The following CMIP variants were observed in gnomAD, a reference collection of about 807,000 sequenced individuals.
CMIP encodes C-Maf-inducing protein.
A neutral mutation model predicts 97.3 loss-of-function variants in CMIP; 13 were observed. That is an observed-to-expected ratio of 0.13 (90% confidence interval 0.09 to 0.21). The LOEUF (loss-of-function observed/expected upper bound fraction) is 0.21, where lower values mean the gene tolerates loss of function less well. Among genes scored for constraint, CMIP ranks in the 10% least tolerant of loss-of-function variants. CMIP has a pLI of 1.00. For synonymous variants in CMIP, 538 were observed against 436.3 expected, an observed-to-expected ratio of 1.23 and a Z score of -2.91; for missense variants, 847 against 1,024.9, an observed-to-expected ratio of 0.83 and a Z score of 2.37.
chr16:81,571,217 T>C (rs1043764775), intron 1 of CMIP, among the ~76,000 whole-genome samples: 5 of 151,900 alleles, frequency 3.3e-5, no homozygotes, highest in African/African-American at 1.2e-4. Flanking sequence ...ATGCCTACAA[T>C]CCCAGCATTT....
intron 1 of CMIP, among the ~76,000 whole-genome samples, chr16:81,538,018 G>T (rs906087960): frequency 6.6e-6 from 1 of 152,272 alleles, no homozygotes; most frequent in African/African-American, 2.4e-5. Context: ...CCACTCACCA[G>T]GGGCTTGCCC....
intron 1 of CMIP, among the ~76,000 whole-genome samples, chr16:81,573,201 G>A (rs561964918): frequency 4.3e-4 from 66 of 152,112 alleles, no homozygotes; most frequent in Non-Finnish European, 7.6e-4. Context: ...AACGTTAGCC[G>A]GGCGTGGTGG....
At position 81,611,055 on chromosome 16, in the gene CMIP, G is replaced by A. The variant is rs187349188; in HGVS notation, c.426+3363G>A. Among the ~76,000 whole-genome samples the A allele has an allele frequency of 3.7e-3, 560 of 152,212 alleles. 5 individuals carry two copies. The highest frequency in any genetic ancestry group is 3.7e-3 in the Non-Finnish European group (250 of 68,014). On this transcript the variant is annotated intron_variant, in intron 2 of 20. Coordinates refer to ENST00000537098, the MANE Select transcript of CMIP (RefSeq NM_198390.3). ...GAGTGAAAGTGCCTTAAATGGTGCC[G>A]CCCGGCACAGCCACCAGCAGCCACG... is the stretch of plus-strand genomic sequence containing the variant.
At chr16:81,551,292 T>C (rs888254837) in intron 1 of CMIP, among the ~76,000 whole-genome samples, 3 of 152,184 alleles carry the variant, frequency 2.0e-5, no homozygotes, top group African/African-American at 7.2e-5. Flanking sequence ...TGAGTAACCA[T>C]GGGCAACCAA....
At chr16:81,513,890 T>C (rs576492477) in intron 1 of CMIP, among the ~76,000 whole-genome samples, 112 of 152,238 alleles carry the variant, frequency 7.4e-4, no homozygotes, top group Admixed American at 3.3e-4. Context: ...CCATATTTGC[T>C]GCGCTTCCCT....
intron 1 of CMIP, among the ~76,000 whole-genome samples, chr16:81,546,425 C>T (rs1302607136): frequency 2.6e-5 from 4 of 152,180 alleles, no homozygotes; most frequent in African/African-American, 9.7e-5. Flanking sequence ...GAAATCCACC[C>T]AGAGGGAGTT....
intron 1 of CMIP, among the ~76,000 whole-genome samples, chr16:81,512,446 G>A (rs2089832502): frequency 6.6e-6 from 1 of 152,170 alleles, no homozygotes; most frequent in African/African-American, 2.4e-5. Flanking sequence ...AGATTGCAAA[G>A]GGCAGGTGTT....
intron 18 of CMIP, 24 bp from the exon 19 acceptor site, chr16:81,705,475 G>A (rs1434020549): frequency 1.2e-5 from 18 of 1,536,342 alleles, no homozygotes; most frequent in Non-Finnish European, 1.5e-5. Flanking sequence ...CCGGGAGAGG[G>A]CTGAGAGTTT....
At chr16:81,448,412 C>T (rs1046754607) in intron 1 of CMIP, among the ~76,000 whole-genome samples, 2 of 152,256 alleles carry the variant, frequency 1.3e-5, no homozygotes, top group African/African-American at 4.8e-5. Flanking sequence ...ACATCTGCAT[C>T]AGGCTGGGAT....
chr16:81,571,402 A>G (rs1228404342), intron 1 of CMIP, among the ~76,000 whole-genome samples: 1 of 152,002 alleles, frequency 6.6e-6, no homozygotes, highest in Admixed American at 6.6e-5. Flanking sequence ...CAGGAATTTG[A>G]GGCTGCAGCG....
chr16:81,615,737 A>G (rs1412881104), intron 2 of CMIP, among the ~76,000 whole-genome samples: 2 of 147,028 alleles, frequency 1.4e-5, no homozygotes, highest in Non-Finnish European at 3.0e-5. Context: ...GTGTGTGTGT[A>G]TGGTGTGTGT....
At chr16:81,473,636 G>A (rs919844292) in intron 1 of CMIP, among the ~76,000 whole-genome samples, 1 of 126,264 alleles carries the variant, frequency 7.9e-6, no homozygotes, top group African/African-American at 3.4e-5. Context: ...GGGCTTGGAC[G>A]CTTGTGTTGG....
intron 2 of CMIP, among the ~76,000 whole-genome samples, chr16:81,609,311 C>T (rs1343902469): frequency 2.6e-5 from 4 of 152,194 alleles, no homozygotes; most frequent in Non-Finnish European, 5.9e-5. Context: ...TCACTCGCTC[C>T]TTCTTGCCCA....
At chr16:81,667,799 A>AGAGAGAGAGTGTGT in intron 7 of CMIP, among the ~76,000 whole-genome samples, 157 of 58,120 alleles carry the variant, frequency 2.7e-3, no homozygotes, top group Non-Finnish European at 3.9e-3. Context: ...AGAGAGAGAG[A>AGAGAGAGAGTGTGT]GTGTGTGTGT....
At chr16:81,584,489 G>T (rs1354408183) in intron 1 of CMIP, among the ~76,000 whole-genome samples, 1 of 152,198 alleles carries the variant, frequency 6.6e-6, no homozygotes, top group African/African-American at 2.4e-5. Context: ...GTATGTAAGT[G>T]TAAAATCATC....
chr16:81,482,542 A>G (rs923736865), intron 1 of CMIP, among the ~76,000 whole-genome samples: 2 of 152,088 alleles, frequency 1.3e-5, no homozygotes, highest in African/African-American at 4.8e-5. Context: ...TAGCTTCTGG[A>G]GAGAGGACCT....
intron 4 of CMIP, among the ~76,000 whole-genome samples, chr16:81,656,389 A>G (rs2151013304): frequency 6.6e-6 from 1 of 152,378 alleles, no homozygotes; most frequent in Non-Finnish European, 1.5e-5. Context: ...CACTGTTCAA[A>G]TGAGAGGTCT....
intron 14 of CMIP, 44 bp downstream of exon 14, chr16:81,696,711 G>GAA: frequency 6.4e-7 from 1 of 1,564,014 alleles, no homozygotes; most frequent in Admixed American, 1.7e-5. Flanking sequence ...GGGGTCCCTG[G>GAA]GCTTGCCATG....
At position 81,704,966 on chromosome 16, in the gene CMIP, C is replaced by T. The variant is rs551060136; in HGVS notation, c.2092-533C>T. On this transcript the variant is annotated intron_variant, in intron 18 of 20. Transcript: ENST00000537098. ...CTGCGGGGGGCTGCGCAGGAGGCTT[C>T]TGGGTCTTTTTGTTATAGTAACACC... Among the ~76,000 whole-genome samples the T allele has an allele frequency of 1.2e-4, 19 of 152,084 alleles. 1 individual carries two copies. The highest frequency in any genetic ancestry group is 1.0e-3 in the Admixed American group (16 of 15,286).
Sources: allele counts gnomAD v4.1 joint callset (sites outside exome capture counted in the v4.1 genomes callset), GRCh38; gene constraint gnomAD v4.1.1; transcripts MANE v1.5; gene names NCBI Gene and HGNC (gene_info 2026-07-23, HGNC 2026-07-21).